The following CEP350 variants were observed in gnomAD, a reference collection of about 807,000 sequenced individuals.
CEP350 encodes centrosome-associated protein 350.
In CEP350, 126 loss-of-function variants were observed where a neutral mutation model predicts 331.8. The ratio of observed to expected loss-of-function variants is 0.38; its 90% confidence interval spans 0.33 to 0.44. CEP350 has a LOEUF of 0.44. Among genes scored for constraint, CEP350 ranks in the 20% least tolerant of loss-of-function variants. The probability of loss-of-function intolerance (pLI) is 1.00; values close to 1 mark genes in which losing one functional copy is unlikely to be tolerated. For missense variants in CEP350, 3,406 were observed against 3,634.6 expected (o/e 0.94, Z 1.62); for synonymous variants, 1,200 against 1,259.5 (o/e 0.95, Z 1.00).
intron 11 of CEP350, among the ~76,000 whole-genome samples, chr1:180,018,682 T>C (rs1655123229): frequency 6.6e-6 from 1 of 152,180 alleles, no homozygotes; most frequent in Non-Finnish European, 1.5e-5. Flanking sequence ...ATTAGTTTGG[T>C]TTACGATTGC....
intron 37 of CEP350, among the ~76,000 whole-genome samples, chr1:180,107,756 A>T (rs1309419668): frequency 6.6e-6 from 1 of 152,054 alleles, no homozygotes; most frequent in Non-Finnish European, 1.5e-5. Context: ...TGCTTGCTGA[A>T]ATTGGGCCAC....
Position 180,056,015 on chromosome 1 carries a change from A to G in CEP350, c.5262+1513A>G, listed in dbSNP as rs192083916. Among the ~76,000 whole-genome samples the G allele has an allele frequency of 3.4e-3, 517 of 152,216 alleles. 1 individual carries two copies. Among genetic ancestry groups the G allele is most frequent in the Middle Eastern group, 0.01 (3 of 294 alleles). On this transcript the variant is annotated intron_variant, in intron 25 of 37. Transcript: ENST00000367607. ...AATAAGATTTATAAATTTATCCCTC[A>G]TTCTGTGGGGTTTCTTTTCACTTTC...
intron 14 of CEP350, among the ~76,000 whole-genome samples, chr1:180,028,512 G>A (rs1655815970): frequency 1.3e-5 from 2 of 152,122 alleles, no homozygotes; most frequent in African/African-American, 4.8e-5. Flanking sequence ...GATATAGGTT[G>A]GGCATGGTAG....
intron 37 of CEP350, among the ~76,000 whole-genome samples, chr1:180,106,062 A>G (rs572109313): frequency 2.0e-5 from 3 of 152,336 alleles, no homozygotes; most frequent in South Asian, 2.1e-4. Context: ...AATTTGAGCT[A>G]TTTTTAGCAG....
At chr1:179,980,888 T>G (rs1206966930) in intron 1 of CEP350, among the ~76,000 whole-genome samples, 1 of 152,166 alleles carries the variant, frequency 6.6e-6, no homozygotes, top group Non-Finnish European at 1.5e-5. Flanking sequence ...AAGACAAATA[T>G]TATTACATTG....
intron 27 of CEP350, 119 bp downstream of exon 27, chr1:180,065,391 C>T (rs1658489614): frequency 1.0e-6 from 1 of 1,004,112 alleles, no homozygotes; most frequent in Admixed American, 3.2e-5. Flanking sequence ...GATTCAGTAG[C>T]ATTTTAGCAG....
In CEP350 at chr1:180,018,853, C is replaced by CTTCCTTTTT. The variant is rs1553255696; in HGVS notation, c.2175-1094_2175-1093insCCTTTTTTT. Among the ~76,000 whole-genome samples the CTTCCTTTTT allele has an allele frequency of 3.6e-5, 3 of 83,764 alleles. 1 individual carries two copies. The highest frequency in any genetic ancestry group is 9.2e-5 in the Non-Finnish European group (3 of 32,452). 55.0% of individuals were successfully genotyped at this position (83,764 alleles called of 152,430 possible). ...AAAGCCTCATGTTCGTCTTCTCTTT[C>CTTCCTTTTT]TTTCTTTTTTTTTTTTTTTTTCTGA... is the stretch of plus-strand genomic sequence containing the variant. On this transcript the variant is annotated intron_variant, in intron 11 of 37. Transcript: ENST00000367607.
chr1:180,014,735 A>C (rs1273664482), intron 10 of CEP350, among the ~76,000 whole-genome samples: 2 of 152,228 alleles, frequency 1.3e-5, no homozygotes, highest in African/African-American at 4.8e-5. Flanking sequence ...TTTTCCTCTC[A>C]TCATTGCTAT....
At position 180,111,243 on chromosome 1, in the gene CEP350, T is replaced by C. The variant is rs1661456435; in HGVS notation, c.*82T>C. Reference sequence around the variant, plus strand: ...TCCTGATGTACACCCATCGCCATCATAGCAAGAGTGCTTCTGGACCTTGTA... The same window carrying C: ...TCCTGATGTACACCCATCGCCATCACAGCAAGAGTGCTTCTGGACCTTGTA... On this transcript the variant is annotated 3_prime_UTR_variant, in exon 38 of 38. Transcript: ENST00000367607. The C allele has an allele frequency of 3.3e-6, 5 of 1,508,924 alleles. No individual in the cohort carries two copies. The highest frequency in any genetic ancestry group is 1.2e-5 in the South Asian group (1 of 80,076). The allele number at this position is 1,508,924 out of a possible 1,614,324, so 93.5% of individuals were successfully genotyped here.
intron 24 of CEP350, 144 bp downstream of exon 24, chr1:180,054,078 T>C (rs1387909360): frequency 2.0e-5 from 13 of 647,116 alleles, no homozygotes; most frequent in African/African-American, 3.6e-5. Context: ...CATACTTGAT[T>C]TGTATTTCTT....
chr1:180,086,100 G>A (rs1238833962), intron 31 of CEP350, among the ~76,000 whole-genome samples: 1 of 152,182 alleles, frequency 6.6e-6, no homozygotes, highest in African/African-American at 2.4e-5. Context: ...AAATAGGCCT[G>A]TTAATAGATC....
intron 26 of CEP350, among the ~76,000 whole-genome samples, 192 bp from the exon 27 acceptor site, chr1:180,064,923 A>AATAT (rs1297277119): frequency 6.6e-6 from 1 of 152,132 alleles, no homozygotes; most frequent in Non-Finnish European, 1.5e-5. Flanking sequence ...TGGTGGTAAA[A>AATAT]ATATACATAA....
At chr1:180,054,095 C>A (rs1657670115) in intron 24 of CEP350, among the ~76,000 whole-genome samples, 161 bp downstream of exon 24, 1 of 152,142 alleles carries the variant, frequency 6.6e-6, no homozygotes, top group Non-Finnish European at 1.5e-5. Flanking sequence ...TCTTTCAAGA[C>A]CTCCTCCTAC....
chr1:180,014,408 C>T lies in CEP350; in HGVS notation c.1955C>T (p.Ser652Leu), dbSNP rs1343701684. 1.5e-5 allele frequency: 24 copies of T among 1,605,826 alleles called. No individual in the cohort carries two copies. Among genetic ancestry groups the T allele is most frequent in the Non-Finnish European group, 2.0e-5 (23 of 1,176,036 alleles). The change falls in exon 10 of 38, where the codon TCA becomes TTA. Residue 652 changes from serine to leucine, a missense_variant. Ser to Leu is a moderately radical substitution (Grantham distance 145). Around this residue, in one of 5 missense-constraint regions of CEP350, gnomAD observed 1,857 missense variants for 1,909.2 expected, o/e 0.97. Coordinates refer to ENST00000367607, the MANE Select transcript of CEP350 (RefSeq NM_014810.5). ...KVKNVPPSEPSATRRLQETYS... is the reference protein window; with the variant it reads ...KVKNVPPSEPLATRRLQETYS... Reference sequence around the variant, plus strand: ...AAAAATGTCCCTCCTTCTGAGCCATCAGCAACTAGGCGACTACAGGAAACT... The same window carrying T: ...AAAAATGTCCCTCCTTCTGAGCCATTAGCAACTAGGCGACTACAGGAAACT...
chr1:179,977,093 G>A (rs1651924380), intron 1 of CEP350, among the ~76,000 whole-genome samples: 1 of 152,130 alleles, frequency 6.6e-6, no homozygotes, highest in Admixed American at 6.6e-5. Context: ...AAACTCTGCA[G>A]TCTGTTTTTC....
intron 20 of CEP350, 52 bp from the exon 21 acceptor site, chr1:180,043,999 T>A: frequency 6.9e-7 from 1 of 1,443,750 alleles, no homozygotes; most frequent in Non-Finnish European, 9.1e-7. Context: ...ACTTAAAATC[T>A]TTCTGTTATT....
rs186368350 is a variant in CEP350, at chr1:179,973,043, A to G, written c.-13-13126A>G. Reference sequence around the variant, plus strand: ...CCACCACACCCCTTTAATTTTTTGTATTTTTAGTAGAGACGGGGTTTCACC... The same window carrying G: ...CCACCACACCCCTTTAATTTTTTGTGTTTTTAGTAGAGACGGGGTTTCACC... On this transcript the variant is annotated intron_variant, in intron 1 of 37. Transcript: ENST00000367607. Among the ~76,000 whole-genome samples the G allele has an allele frequency of 5.5e-3, 830 of 151,530 alleles. 11 individuals carry two copies. The highest frequency in any genetic ancestry group is 0.019 in the African/African-American group (799 of 41,274).
chr1:179,955,177 G>A lies in CEP350; in HGVS notation c.-14+35G>A, dbSNP rs554289581. Reference sequence around the variant, plus strand: ...TGTAGGACCTGGCTGGGACCGCGGAGTCTCGCTCAGCCTCAACTGTCTCTG... The same window carrying A: ...TGTAGGACCTGGCTGGGACCGCGGAATCTCGCTCAGCCTCAACTGTCTCTG... On this transcript the variant is annotated intron_variant, in intron 1 of 37. Coordinates refer to ENST00000367607, the MANE Select transcript of CEP350 (RefSeq NM_014810.5). 3.7e-6 allele frequency: 5 copies of A among 1,363,348 alleles called. No individual in the cohort carries two copies. In the African/African-American group the frequency reaches 7.6e-5, roughly 21 times the overall value. 84.5% of individuals were successfully genotyped at this position (1,363,348 alleles called of 1,614,324 possible). A position where few individuals can be genotyped will look rare whatever the true frequency, so the allele number is the denominator to read the frequency against.
At chr1:180,096,513 T>C (rs1355502130) in intron 36 of CEP350, among the ~76,000 whole-genome samples, 28 of 151,458 alleles carry the variant, frequency 1.8e-4, no homozygotes, top group Admixed American at 1.8e-3. Flanking sequence ...CTAATAGGAG[T>C]TTTAGGTAAG....
Sources: gnomAD v4.1 joint callset for allele counts (sites outside exome capture counted in the v4.1 genomes callset) on GRCh38, gnomAD v4.1.1 for gene constraint, gnomAD v4.1.1 regional missense constraint, MANE v1.5 for transcripts, NCBI Gene and HGNC (gene_info 2026-07-23, HGNC 2026-07-21) for gene names.